NHLRC2: variants seen among roughly 807,000 people sequenced by gnomAD.
The protein encoded by NHLRC2 is NHL repeat containing 2, also known as NHL repeat-containing protein 2.
A neutral mutation model predicts 68.1 loss-of-function variants in NHLRC2; 33 were observed. The observed-to-expected ratio is 0.48, with a 90% CI of 0.37 to 0.65. The LOEUF is 0.65. Among genes scored for constraint, NHLRC2 ranks in the 30% least tolerant of loss-of-function variants. The pLI is 0.00. For synonymous variants in NHLRC2, 311 were observed against 309.6 expected, an observed-to-expected ratio of 1.00 and a Z score of -0.05; for missense variants, 761 against 853.8, an observed-to-expected ratio of 0.89 and a Z score of 1.35.
At chr10:113,860,893 G>A (rs1845810072) in intron 2 of NHLRC2, among the ~76,000 whole-genome samples, 1 of 152,166 alleles carries the variant, frequency 6.6e-6, no homozygotes, top group Non-Finnish European at 1.5e-5. Flanking sequence ...CACAGCAGAT[G>A]GTCCCTGACT....
intron 5 of NHLRC2, among the ~76,000 whole-genome samples, chr10:113,887,039 A>AAATATAGGGAAACT (rs1846088988): frequency 6.6e-6 from 1 of 152,208 alleles, no homozygotes; most frequent in Admixed American, 6.5e-5. Flanking sequence ...CAACCTAACT[A>AAATATAGGGAAACT]AAATATAGGG....
At chr10:113,859,763 G>A (rs1046904440) in intron 2 of NHLRC2, among the ~76,000 whole-genome samples, 2 of 152,164 alleles carry the variant, frequency 1.3e-5, no homozygotes, top group African/African-American at 4.8e-5. Flanking sequence ...AACTGCTGAG[G>A]AAATATGTAA....
chr10:113,871,982 A>G (rs1845929959), intron 2 of NHLRC2, among the ~76,000 whole-genome samples: 1 of 152,180 alleles, frequency 6.6e-6, no homozygotes, highest in African/African-American at 2.4e-5. Context: ...CATGAGAACA[A>G]GCAGAGTGGT....
At chr10:113,885,761 A>G (rs377196988) in intron 5 of NHLRC2, among the ~76,000 whole-genome samples, 113 of 152,182 alleles carry the variant, frequency 7.4e-4, no homozygotes, top group African/African-American at 2.7e-3. Context: ...AATCTACAAT[A>G]TGATTTCTTT....
chr10:113,905,389 G>C (rs1846267306), intron 10 of NHLRC2, among the ~76,000 whole-genome samples: 1 of 152,140 alleles, frequency 6.6e-6, no homozygotes, highest in Admixed American at 6.6e-5. Flanking sequence ...AGAGAAAGTG[G>C]AGCCCTCGTA....
At chr10:113,884,226 A>T (rs773420614) in intron 4 of NHLRC2, 25 bp from the exon 5 acceptor site, 1 of 1,598,208 alleles carries the variant, frequency 6.3e-7, no homozygotes, top group South Asian at 1.1e-5. Flanking sequence ...TTCATTGCAT[A>T]AAACCATCCT....
chr10:113,873,530 C>T (rs1845949360), intron 2 of NHLRC2, among the ~76,000 whole-genome samples: 1 of 152,064 alleles, frequency 6.6e-6, no homozygotes, highest in South Asian at 2.1e-4. Flanking sequence ...TTTGTGTGCT[C>T]CTGCAACCTA....
At position 113,868,896 on chromosome 10, in the gene NHLRC2, T is replaced by TA. The variant is rs1268304013; in HGVS notation, c.332-7624dup. Reference sequence around the variant, plus strand: ...CAGAGGGAACACTGTATGCCAACCCTATAAAGCAAAAGGAATAATATTATT... The same window carrying TA: ...CAGAGGGAACACTGTATGCCAACCCTAATAAAGCAAAAGGAATAATATTATT... On this transcript the variant is annotated intron_variant, in intron 2 of 10. Transcript: ENST00000369301. 2.0e-5 allele frequency among the ~76,000 whole-genome samples: 3 copies of TA among 152,150 alleles called. No individual in the cohort carries two copies. The East Asian group carries it at 5.8e-4, about 29-fold the overall frequency.
In NHLRC2 at chr10:113,887,141, GAATT is replaced by G. The variant is rs546629510; in HGVS notation, c.1039+2764_1039+2767del. 1.9e-3 allele frequency among the ~76,000 whole-genome samples: 291 copies of G among 152,236 alleles called. 2 individuals carry two copies. The highest frequency in any genetic ancestry group is 6.8e-3 in the African/African-American group (281 of 41,542). Reference sequence around the variant, plus strand: ...TCATCTCTAATCATCAAGGAAATGAGAATTAAAGCAATGATGTGATATTACCTCA... The same window carrying G: ...TCATCTCTAATCATCAAGGAAATGAGAAAGCAATGATGTGATATTACCTCA... On this transcript the variant is annotated intron_variant, in intron 5 of 10. Coordinates refer to ENST00000369301, the MANE Select transcript of NHLRC2 (RefSeq NM_198514.4).
Position 113,879,656 on chromosome 10 carries a change from C to A in NHLRC2, c.870C>A (p.Ile290=). ...SPQGVAIMNN[I]IYVADTENHL... Reference sequence around the variant, plus strand: ...AGGGTGTAGCCATAATGAATAATATCATATATGTGGCAGACACTGAAAACC... The same window carrying A: ...AGGGTGTAGCCATAATGAATAATATAATATATGTGGCAGACACTGAAAACC... Residue 290 remains isoleucine (I), a synonymous_variant, in exon 4 of 11, where the codon ATC becomes ATA. Transcript: ENST00000369301. 1.3e-6 allele frequency: 2 copies of A among 1,555,492 alleles called. No homozygotes were observed. The highest frequency in any genetic ancestry group is 2.3e-5 in the East Asian group (1 of 43,788).
chr10:113,855,807 A>C (rs1293729325), intron 1 of NHLRC2, among the ~76,000 whole-genome samples: 2 of 152,128 alleles, frequency 1.3e-5, no homozygotes, highest in Non-Finnish European at 2.9e-5. Flanking sequence ...CCTGCCACAC[A>C]CAGTCCTAAA....
rs1046425543 is a variant in NHLRC2, at chr10:113,906,900, G to A, written c.1925-1380G>A. Among the ~76,000 whole-genome samples, 3 of 152,166 alleles carry A rather than the reference G, an allele frequency of 2.0e-5. No individual in the cohort carries two copies. In the South Asian group the frequency reaches 6.2e-4, roughly 32 times the overall value. The stretch of plus-strand genomic sequence containing the variant: ...CAGGAGGCTGAGGCAGGAGAATGGC[G>A]TGAACCCGGGAGGGAGGCAGAGCTC... On this transcript the variant is annotated intron_variant, in intron 10 of 10. Coordinates refer to ENST00000369301, the MANE Select transcript of NHLRC2 (RefSeq NM_198514.4).
At chr10:113,855,295 G>A (rs2134680244) in intron 1 of NHLRC2, among the ~76,000 whole-genome samples, 1 of 152,310 alleles carries the variant, frequency 6.6e-6, no homozygotes, top group Admixed American at 6.5e-5. Flanking sequence ...AGTTCCGCCC[G>A]CGCCTGATAT....
Position 113,858,674 on chromosome 10 carries a change from G to A in NHLRC2, c.325G>A (p.Asp109Asn). The A allele has an allele frequency of 6.2e-7, 1 of 1,608,232 alleles. No individual in the cohort carries two copies. Among genetic ancestry groups the A allele is most frequent in the Non-Finnish European group, 8.5e-7 (1 of 1,175,614 alleles). Residue 109 changes from aspartate (D) to asparagine (N), a missense_variant, in exon 2 of 11, where the codon GAT (aspartate) becomes AAT (asparagine). Transcript: ENST00000369301. ...CCATGCATTAGAACACACATACTCT[G>A]ATAAAGGTATCTGCTCTTTAATTAG... ...DLHALEHTYS[D>N]KDGLLIIGVH...
At chr10:113,864,003 C>T (rs1343626808) in intron 2 of NHLRC2, among the ~76,000 whole-genome samples, 5 of 152,030 alleles carry the variant, frequency 3.3e-5, no homozygotes, top group Non-Finnish European at 4.4e-5. Context: ...ATTGATGGAT[C>T]GTGGGTGAGG....
intron 4 of NHLRC2, 139 bp downstream of exon 4, chr10:113,879,834 T>C (rs1846021256): frequency 1.9e-6 from 1 of 540,394 alleles, no homozygotes. Context: ...GTACGTACTT[T>C]AGTTTTATTC....
chr10:113,877,560 T>C (rs1845995977), intron 3 of NHLRC2, among the ~76,000 whole-genome samples: 1 of 152,172 alleles, frequency 6.6e-6, no homozygotes, highest in Admixed American at 6.5e-5. Flanking sequence ...TTTTGTTCTA[T>C]ATCTCCCTGG....
intron 1 of NHLRC2, 130 bp from the exon 2 acceptor site, chr10:113,858,398 A>G (rs1022349716): frequency 1.5e-5 from 9 of 606,434 alleles, no homozygotes; most frequent in Non-Finnish European, 2.6e-5. Context: ...CACAGCCTTT[A>G]TATGGTGCTA....
chr10:113,883,785 G>T (rs144748800), intron 4 of NHLRC2, among the ~76,000 whole-genome samples: 14 of 151,990 alleles, frequency 9.2e-5, no homozygotes, highest in African/African-American at 3.4e-4. Context: ...TATTAAAATC[G>T]TCACACAGTT....
Sources: allele counts gnomAD v4.1 joint callset (sites outside exome capture counted in the v4.1 genomes callset), GRCh38; gene constraint gnomAD v4.1.1; transcripts MANE v1.5; gene names NCBI Gene and HGNC (gene_info 2026-07-23, HGNC 2026-07-21).